The following TGS1 variants were observed in gnomAD, a reference collection of about 807,000 sequenced individuals.
TGS1 encodes the protein trimethylguanosine synthase 1.
Under a neutral mutation model 92.2 loss-of-function variants are expected in TGS1, and 69 were observed. That is an observed-to-expected ratio of 0.75 (90% confidence interval 0.62 to 0.91). The LOEUF (loss-of-function observed/expected upper bound fraction) is 0.91, where lower values mean the gene tolerates loss of function less well. TGS1 is among the 40% of genes least tolerant of loss of function. TGS1 has a pLI of 0.00. For synonymous variants in TGS1, 345 were observed against 338.1 expected, an observed-to-expected ratio of 1.02 and a Z score of -0.22; for missense variants, 1,062 against 1,001.2, an observed-to-expected ratio of 1.06 and a Z score of -0.82.
rs1186059592 is a variant in TGS1, at chr8:55,814,659, TA to T, written c.2439+1557del. On this transcript the variant is annotated intron_variant, in intron 12 of 12. Transcript: ENST00000260129. ...AACATGGCAAAACCCCGTCTCTACTTAAAAAAAAAAAAAAAATATATATATA... is the reference window on the plus strand; with the variant it reads ...AACATGGCAAAACCCCGTCTCTACTTAAAAAAAAAAAAAAATATATATATA... Among the ~76,000 whole-genome samples the T allele has an allele frequency of 2.9e-3, 332 of 116,134 alleles. 1 individual carries two copies. The highest frequency in any genetic ancestry group is 6.5e-3 in the African/African-American group (184 of 28,202). The allele number at this position is 116,134 out of a possible 152,430, so 76.2% of individuals were successfully genotyped here.
intron 12 of TGS1, among the ~76,000 whole-genome samples, chr8:55,817,018 C>A (rs2130248232): frequency 6.6e-6 from 1 of 152,252 alleles, no homozygotes; most frequent in South Asian, 2.1e-4. Flanking sequence ...GCGCACACCA[C>A]CACGCCCAGC....
chr8:55,794,101 C>T (rs1045419940), intron 6 of TGS1, among the ~76,000 whole-genome samples: 1 of 152,176 alleles, frequency 6.6e-6, no homozygotes, highest in South Asian at 2.1e-4. Flanking sequence ...TTAACAACAT[C>T]TAAATTGTTT....
chr8:55,802,673 G>T (rs1812252830), intron 9 of TGS1, 67 bp downstream of exon 9: 1 of 1,450,272 alleles, frequency 6.9e-7, no homozygotes. Flanking sequence ...AAAGTTATAA[G>T]AATAATACAG....
intron 12 of TGS1, among the ~76,000 whole-genome samples, chr8:55,817,228 T>G (rs1215341775): frequency 6.6e-6 from 1 of 152,208 alleles, no homozygotes; most frequent in Non-Finnish European, 1.5e-5. Flanking sequence ...TGTTCTCTGA[T>G]GTCTAGGAAG....
Position 55,773,635 on chromosome 8 carries a change from G to T in TGS1, c.17G>T (p.Trp6Leu). Residue 6 changes from tryptophan to leucine, a missense_variant, in exon 1 of 13, where the codon TGG becomes TTG. Transcript: ENST00000260129. The part of the protein sequence containing the change: MCCEK[W>L]SRVAEMFLFI... ...AGTGGTAAAATGTGCTGCGAGAAGT[G>T]GAGCCGCGTGGCGGAAATGTTTCTC... 1 of 1,611,490 alleles carries T rather than the reference G, an allele frequency of 6.2e-7. No individual in the cohort carries two copies. The highest frequency in any genetic ancestry group is 1.1e-5 in the South Asian group (1 of 90,492).
At chr8:55,809,043 A>C (rs1803269682) in intron 10 of TGS1, among the ~76,000 whole-genome samples, 1 of 152,250 alleles carries the variant, frequency 6.6e-6, no homozygotes, top group Non-Finnish European at 1.5e-5. Flanking sequence ...TCCCTATCAT[A>C]ATGTATGTTC....
chr8:55,787,157 T>C, intron 4 of TGS1, 97 bp downstream of exon 4: 2 of 774,362 alleles, frequency 2.6e-6, no homozygotes, highest in Non-Finnish European at 4.1e-6. Flanking sequence ...AGTTAAATAA[T>C]ACCAAGTACA....
In TGS1 at chr8:55,824,688, A is replaced by T; in HGVS notation, c.2547A>T (p.Pro849=). The T allele has an allele frequency of 1.2e-6, 2 of 1,614,220 alleles. No homozygotes were observed. Among genetic ancestry groups the T allele is most frequent in the South Asian group, 2.2e-5 (2 of 91,088 alleles). The part of the protein sequence containing the change: ...TAYFGDLIRR[P]ASET Reference sequence around the variant, plus strand: ...ATTTTGGTGACCTAATTCGAAGACCAGCCTCTGAAACCTAACTATGCAGCA... The same window carrying T: ...ATTTTGGTGACCTAATTCGAAGACCTGCCTCTGAAACCTAACTATGCAGCA... Residue 849 remains proline (P), a synonymous_variant, in exon 13 of 13, where the codon CCA becomes CCT. Coordinates refer to ENST00000260129, the MANE Select transcript of TGS1 (RefSeq NM_024831.8).
Position 55,811,097 on chromosome 8 carries a change from G to A in TGS1, c.2360G>A (p.Gly787Asp). 3 of 1,438,136 alleles carry A rather than the reference G, an allele frequency of 2.1e-6. No individual in the cohort carries two copies. Among genetic ancestry groups the A allele is most frequent in the Non-Finnish European group, 1.9e-6 (2 of 1,068,140 alleles). The allele number at this position is 1,438,136 out of a possible 1,614,324, so 89.1% of individuals were successfully genotyped here. A position where few individuals can be genotyped will look rare whatever the true frequency, so the allele number is the denominator to read the frequency against. The part of the protein sequence containing the change: ...FDIRTMMSPD[G>D]FEIFRLSKKI... ...ATTAGAACAATGATGTCTCCTGATG[G>A]ATATCCTTTGGAAGTCTTAAGAGTT... The change falls in exon 11 of 13, where the codon GGC becomes GAC. Residue 787 changes from glycine to aspartate, a missense_variant and splice_region_variant. Transcript: ENST00000260129.
chr8:55,777,130 C>T (rs1350570605), intron 1 of TGS1, among the ~76,000 whole-genome samples: 2 of 151,982 alleles, frequency 1.3e-5, no homozygotes, highest in Non-Finnish European at 2.9e-5. Flanking sequence ...ACCTTAGCCT[C>T]CTGAATAGCT....
At chr8:55,820,362 A>T (rs1803600515) in intron 12 of TGS1, among the ~76,000 whole-genome samples, 2 of 152,164 alleles carry the variant, frequency 1.3e-5, no homozygotes, top group Admixed American at 1.3e-4. Context: ...AGCCTGGCCA[A>T]CATCGTGAAA....
intron 10 of TGS1, among the ~76,000 whole-genome samples, chr8:55,809,316 A>T (rs895918114): frequency 6.6e-6 from 1 of 152,202 alleles, no homozygotes; most frequent in Non-Finnish European, 1.5e-5. Context: ...TAGCAACAGT[A>T]CTGCGTGGTA....
intron 6 of TGS1, among the ~76,000 whole-genome samples, chr8:55,794,668 C>A (rs1346812168): frequency 6.6e-6 from 1 of 152,144 alleles, no homozygotes; most frequent in Non-Finnish European, 1.5e-5. Context: ...CATAAGATTT[C>A]TCTGGGATTA....
At chr8:55,779,419 C>T (rs1252833033) in intron 1 of TGS1, among the ~76,000 whole-genome samples, 1 of 152,172 alleles carries the variant, frequency 6.6e-6, no homozygotes, top group Admixed American at 6.5e-5. Context: ...GAGGAAAGGC[C>T]TTTCTGCCTC....
At position 55,806,593 on chromosome 8, in the gene TGS1, G is replaced by A. The variant is rs112304361; in HGVS notation, c.2143+1557G>A. Among the ~76,000 whole-genome samples, 9 of 152,164 alleles carry A rather than the reference G, an allele frequency of 5.9e-5. 2 individuals carry two copies. Among genetic ancestry groups the A allele is most frequent in the African/African-American group, 2.2e-4 (9 of 41,532 alleles). On this transcript the variant is annotated intron_variant, in intron 10 of 12. Coordinates refer to ENST00000260129, the MANE Select transcript of TGS1 (RefSeq NM_024831.8). ...GGCTATTAAAAGTTAAGTTTGGGGA[G>A]TCCAAAATTATACAGATTTTTGACT...
intron 1 of TGS1, among the ~76,000 whole-genome samples, chr8:55,779,313 T>G (rs1437304322): frequency 6.6e-6 from 1 of 152,228 alleles, no homozygotes; most frequent in Non-Finnish European, 1.5e-5. Context: ...ATATAACAGC[T>G]GGTAATCTCT....
intron 2 of TGS1, among the ~76,000 whole-genome samples, chr8:55,784,301 A>G (rs1190900629): frequency 6.6e-6 from 1 of 152,172 alleles, no homozygotes; most frequent in African/African-American, 2.4e-5. Context: ...TGGTTTTTCT[A>G]TAAGAATTAG....
At position 55,785,788 on chromosome 8, in the gene TGS1, G is replaced by C. The variant is rs1321634840; in HGVS notation, c.236G>C (p.Gly79Ala). The C allele has an allele frequency of 6.2e-7, 1 of 1,613,850 alleles. No homozygotes were observed. Residue 79 changes from glycine (G) to alanine (A), a missense_variant, in exon 3 of 13, where the codon GGC becomes GCC. Coordinates refer to ENST00000260129, the MANE Select transcript of TGS1 (RefSeq NM_024831.8). Reference sequence around the variant, plus strand: ...ACTGCAGAATCACATGACAGCAAAGGCATAGGCCTGGATGAAAGTGAACTT... The same window carrying C: ...ACTGCAGAATCACATGACAGCAAAGCCATAGGCCTGGATGAAAGTGAACTT... ...CGTAESHDSK[G>A]IGLDESELDS... is the part of the protein sequence containing the mutation.
intron 12 of TGS1, among the ~76,000 whole-genome samples, chr8:55,816,442 G>A (rs1026041116): frequency 1.3e-5 from 2 of 152,164 alleles, no homozygotes; most frequent in African/African-American, 2.4e-5. Flanking sequence ...GAGGAAGTCT[G>A]CTGGTCTGTT....
Sources: allele counts gnomAD v4.1 joint callset (sites outside exome capture counted in the v4.1 genomes callset), GRCh38; gene constraint gnomAD v4.1.1; transcripts MANE v1.5; gene names NCBI Gene and HGNC (gene_info 2026-07-23, HGNC 2026-07-21).